Variants in IRX4 observed in about 807,000 individuals in gnomAD.
The protein encoded by IRX4 is iroquois homeobox 4, also known as iroquois-class homeodomain protein IRX-4.
Under a neutral mutation model 32.0 loss-of-function variants are expected in IRX4, and 22 were observed. The observed-to-expected ratio is 0.69, with a 90% CI of 0.49 to 0.98. The LOEUF (loss-of-function observed/expected upper bound fraction) is 0.98. IRX4 is among the 50% of genes least tolerant of loss of function. IRX4 has a pLI of 0.00. For missense variants in IRX4, 840 were observed against 744.2 expected (o/e 1.13, Z -1.50); for synonymous variants, 379 against 351.7 (o/e 1.08, Z -0.87).
Position 1,877,913 on chromosome 5 carries a change from A to T in IRX4, c.*56T>A. On this transcript the variant is annotated 3_prime_UTR_variant, in exon 5 of 5. Transcript: ENST00000231357. ...CTTCCTCTGGAAACTCAGTGAAAAG[A>T]GTCGGCGCCGTCCGCCTGAGCGCGG... The T allele has an allele frequency of 7.1e-7, 1 of 1,417,718 alleles. No individual in the cohort carries two copies. The highest frequency in any genetic ancestry group is 9.5e-7 in the Non-Finnish European group (1 of 1,057,922). 87.8% of individuals were successfully genotyped at this position (1,417,718 alleles called of 1,614,324 possible). A position where few individuals can be genotyped will look rare whatever the true frequency, so the allele number is the denominator to read the frequency against.
At chr5:1,879,151 C>G (rs2111436927) in intron 4 of IRX4, among the ~76,000 whole-genome samples, 1 of 152,212 alleles carries the variant, frequency 6.6e-6, no homozygotes, top group African/African-American at 2.4e-5. Flanking sequence ...GCCACCACGC[C>G]CGGCTAATTT....
upstream of IRX4, chr5:1,884,536 T>A (rs1018037390): frequency 1.3e-5 from 2 of 152,374 alleles, no homozygotes; most frequent in Middle Eastern, 6.8e-3. Context: ...TCCGAGCTGC[T>A]TGCAGAGGGA....
rs754792113 is a variant in IRX4 at position 1,879,505 on chromosome 5, T to G, written c.735A>C (p.Ala245=). ...REEPLKSSKN[A]EPVGKEEKEL... Reference sequence around the variant, plus strand: ...CCCAGTGACAACCTCCCAACCCACCTGCGTTCTTGGAGCTCTTGAGGGGCT... The same window carrying G: ...CCCAGTGACAACCTCCCAACCCACCGGCGTTCTTGGAGCTCTTGAGGGGCT... Residue 245 remains alanine, a splice_region_variant and synonymous_variant, in exon 4 of 5, where the codon GCA becomes GCC. Transcript: ENST00000231357. 2 of 1,613,062 alleles carry G rather than the reference T, an allele frequency of 1.2e-6. No individual in the cohort carries two copies. The highest frequency in any genetic ancestry group is 1.7e-6 in the Non-Finnish European group (2 of 1,180,004).
At chr5:1,883,340 C>T (rs548900128), upstream of IRX4, among the ~76,000 whole-genome samples, 3 of 152,272 alleles carry the variant, frequency 2.0e-5, no homozygotes, top group Non-Finnish European at 2.9e-5. Flanking sequence ...CCCGGCGCTG[C>T]GCAGGCGGCC....
intron 3 of IRX4, 131 bp from the exon 4 acceptor site, chr5:1,879,963 G>A (rs1275394253): frequency 2.7e-6 from 4 of 1,508,610 alleles, no homozygotes; most frequent in South Asian, 1.2e-5. Context: ...TGTGGTCATG[G>A]TCATAAGGCC....
In IRX4 at chr5:1,878,511, C is replaced by A. The variant is rs751170701; in HGVS notation, c.1018G>T (p.Ala340Ser). 1.2e-5 allele frequency: 17 copies of A among 1,433,698 alleles called. No individual in the cohort carries two copies. Among genetic ancestry groups the A allele is most frequent in the African/African-American group, 1.5e-5 (1 of 66,818 alleles). The allele number at this position is 1,433,698 out of a possible 1,614,324, so 88.8% of individuals were successfully genotyped here. The change falls in exon 5 of 5, where the codon GCA becomes TCA. Residue 340 changes from alanine to serine, a missense_variant. Physicochemically the swap from Ala to Ser is moderately conservative, Grantham distance 99. Around this residue, in one of 3 missense-constraint regions of IRX4, gnomAD observed 585 missense variants for 488.0 expected, o/e 1.20. Coordinates refer to ENST00000231357, the MANE Select transcript of IRX4 (RefSeq NM_016358.3). ...TCGCAGACCTGAGGGCCGCCCTCTGCGCCCGGCAGTGGCTCCGGCCCGGCC... is the reference window on the plus strand; with the variant it reads ...TCGCAGACCTGAGGGCCGCCCTCTGAGCCCGGCAGTGGCTCCGGCCCGGCC... The part of the protein sequence containing the change: ...AAAGPEPLPG[A>S]EGGPQVCEAK...
chr5:1,886,629 G>C (rs1315778607), upstream of IRX4, among the ~76,000 whole-genome samples: 1 of 152,070 alleles, frequency 6.6e-6, no homozygotes, highest in Non-Finnish European at 1.5e-5. Flanking sequence ...CCCGCCGCTT[G>C]CTCCCTGGGT....
At position 1,879,500 on chromosome 5, in the gene IRX4, C is replaced by A; in HGVS notation, c.736+4G>T. ...CAGCCCCCAGTGACAACCTCCCAAC[C>A]CACCTGCGTTCTTGGAGCTCTTGAG... On this transcript the variant is annotated splice_donor_region_variant and intron_variant, in intron 4 of 4. Transcript: ENST00000231357. 6.2e-7 allele frequency: 1 copy of A among 1,613,076 alleles called. No homozygotes were observed. The highest frequency in any genetic ancestry group is 1.1e-5 in the South Asian group (1 of 91,078).
chr5:1,877,720 C>A lies in IRX4; in HGVS notation c.*249G>T. 1 of 521,956 alleles carries A rather than the reference C, an allele frequency of 1.9e-6. No homozygotes were observed. The highest frequency in any genetic ancestry group is 3.3e-6 in the Non-Finnish European group (1 of 299,614). The allele number at this position is 521,956 out of a possible 1,614,324, so 32.3% of individuals were successfully genotyped here. On this transcript the variant is annotated 3_prime_UTR_variant, in exon 5 of 5. Transcript: ENST00000231357. ...TCAGGGTATCTGGCCTCTTCTGCTCCGAGAGCCTCTCCTTCCGCGTCCCAA... is the reference window on the plus strand; with the variant it reads ...TCAGGGTATCTGGCCTCTTCTGCTCAGAGAGCCTCTCCTTCCGCGTCCCAA...
intron 3 of IRX4, chr5:1,880,268 TA>T: frequency 1.3e-6 from 1 of 745,236 alleles, no homozygotes; most frequent in Non-Finnish European, 2.1e-6. Flanking sequence ...CGTCTTTGGA[TA>T]AATTTGTAGT....
Position 1,878,316 on chromosome 5 carries a change from C to T in IRX4, c.1213G>A (p.Ala405Thr). The part of the protein sequence containing the change: ...LKRQGPAAPA[A>T]VSSAPATSPS... ...GACGTGGCGGGCGCGGAGGACACAG[C>T]CGCAGGGGCCGCGGGACCTTGGCGC... Residue 405 changes from alanine (A) to threonine (T), a missense_variant, in exon 5 of 5, where the codon GCT (alanine) becomes ACT (threonine). Ala to Thr is a moderately conservative substitution (Grantham distance 58). Transcript: ENST00000231357. 1.3e-6 allele frequency: 2 copies of T among 1,564,702 alleles called. No individual in the cohort carries two copies. Among genetic ancestry groups the T allele is most frequent in the Non-Finnish European group, 8.7e-7 (1 of 1,155,848 alleles).
In IRX4 at chr5:1,877,488, T is replaced by G. The variant is rs571539649; in HGVS notation, c.*481A>C. The G allele has an allele frequency of 1.2e-3, 181 of 156,332 alleles. No homozygotes were observed. The highest frequency in any genetic ancestry group is 3.8e-3 in the African/African-American group (160 of 41,736). 9.7% of individuals were successfully genotyped at this position (156,332 alleles called of 1,614,324 possible). On this transcript the variant is annotated 3_prime_UTR_variant, in exon 5 of 5. Transcript: ENST00000231357. ...CCTCTGAAGCAGGCAATTATTGGTG[T>G]GAACATACATCTTAAAAAGCATCAT...
chr5:1,878,649 C>A lies in IRX4; in HGVS notation c.880G>T (p.Asp294Tyr). Residue 294 changes from aspartate to tyrosine, a missense_variant, in exon 5 of 5, where the codon GAC becomes TAC. Physicochemically the swap from Asp to Tyr is radical, Grantham distance 160. Around this residue, in one of 3 missense-constraint regions of IRX4, gnomAD observed 585 missense variants for 488.0 expected, o/e 1.20. Transcript: ENST00000231357. ...GGLERVPAAP[D>Y]GPVKEASGAL... is the part of the protein sequence containing the mutation. The stretch of plus-strand genomic sequence containing the variant: ...CCTGAGGCCTCCTTGACCGGGCCGT[C>A]GGGCGCGGCGGGGACGCGCTCCAGA... 1.3e-6 allele frequency: 2 copies of A among 1,594,162 alleles called. No individual in the cohort carries two copies. The highest frequency in any genetic ancestry group is 1.7e-6 in the Non-Finnish European group (2 of 1,171,406).
intron 2 of IRX4, 25 bp from the exon 3 acceptor site, chr5:1,880,859 C>G (rs992122727): frequency 6.3e-7 from 1 of 1,591,872 alleles, no homozygotes. Flanking sequence ...AGTCTGGGGT[C>G]GCAGTTTCCA....
intron 1 of IRX4, 109 bp from the exon 2 acceptor site, chr5:1,882,168 G>C (rs1317122447): frequency 7.6e-7 from 1 of 1,324,018 alleles, no homozygotes; most frequent in South Asian, 1.5e-5. Context: ...AGTACCCCCG[G>C]GCCTCCCGCC....
intron 3 of IRX4, among the ~76,000 whole-genome samples, chr5:1,880,347 G>T (rs560437275): frequency 6.6e-6 from 1 of 152,216 alleles, no homozygotes. Context: ...GGCCACCAGG[G>T]GTTCCCCACT....
rs1735314096 is a variant in IRX4, at chr5:1,878,761, C to T, written c.768G>A (p.Glu256=). Residue 256 remains glutamate (E), a synonymous_variant, in exon 5 of 5, where the codon GAG becomes GAA. Coordinates refer to ENST00000231357, the MANE Select transcript of IRX4 (RefSeq NM_016358.3). ...GGTCGAAGTCGTCCAAGTCACTAAG[C>T]TCCAGCTCCTTCTCCTCTTTGCCCA... is the stretch of plus-strand genomic sequence containing the variant. ...EPVGKEEKEL[E]LSDLDDFDPL... The T allele has an allele frequency of 6.2e-7, 1 of 1,613,310 alleles. No homozygotes were observed. Among genetic ancestry groups the T allele is most frequent in the South Asian group, 1.1e-5 (1 of 91,076 alleles).
upstream of IRX4, among the ~76,000 whole-genome samples, chr5:1,884,961 G>A (rs1236943896): frequency 1.3e-5 from 2 of 151,932 alleles, no homozygotes; most frequent in African/African-American, 4.8e-5. Context: ...CCGGCTGAAG[G>A]AGGGGTGTGA....
rs144226957 is a variant in IRX4 at position 1,877,625 on chromosome 5, G to A, written c.*344C>T. 4.3e-4 allele frequency: 134 copies of A among 309,610 alleles called. No individual in the cohort carries two copies. Among genetic ancestry groups the A allele is most frequent in the African/African-American group, 2.8e-3 (128 of 45,302 alleles). 19.2% of individuals were successfully genotyped at this position (309,610 alleles called of 1,614,324 possible). On this transcript the variant is annotated 3_prime_UTR_variant, in exon 5 of 5. Coordinates refer to ENST00000231357, the MANE Select transcript of IRX4 (RefSeq NM_016358.3). ...ACAGGCCCAGGAGGCCTCACGCCCA[G>A]GGGACAGCAGACCACGCTTCAGAAC...
Sources: gnomAD v4.1 joint callset for allele counts (sites outside exome capture counted in the v4.1 genomes callset) on GRCh38, gnomAD v4.1.1 for gene constraint, gnomAD v4.1.1 regional missense constraint, MANE v1.5 for transcripts, NCBI Gene and HGNC (gene_info 2026-07-23, HGNC 2026-07-21) for gene names.